The following SLC17A8 variants were observed in gnomAD, a reference collection of about 807,000 sequenced individuals.
The protein encoded by SLC17A8 is vesicular glutamate transporter 3.
Under a neutral mutation model 58.0 loss-of-function variants are expected in SLC17A8, and 31 were observed. The ratio of observed to expected loss-of-function variants is 0.53; its 90% CI spans 0.40 to 0.72. The LOEUF is 0.72. SLC17A8 is among the 30% of genes least tolerant of loss of function. The pLI is 0.00. For synonymous variants in SLC17A8, 228 were observed against 249.0 expected (o/e 0.92, Z 0.79); for missense variants, 655 against 727.8 (o/e 0.90, Z 1.15).
intron 10 of SLC17A8, 33 bp downstream of exon 10, chr12:100,412,913 T>A: frequency 6.6e-7 from 1 of 1,507,574 alleles, no homozygotes; most frequent in Non-Finnish European, 9.2e-7. Context: ...AGATCTTGAC[T>A]ATAGATTCAA....
rs371250510 is a variant in SLC17A8, at chr12:100,380,924, G to A, written c.325G>A (p.Val109Ile). The change falls in exon 2 of 12, where the codon GTA becomes ATA. Residue 109 changes from valine to isoleucine, a missense_variant. By Grantham distance (29) the Val-to-Ile change is conservative. Transcript: ENST00000323346. Reference protein sequence around the residue: ...AIVEMVNNSTVYVDGKPEIQT... With the variant: ...AIVEMVNNSTIYVDGKPEIQT... ...TGTGGAAATGGTCAACAATAGCACC[G>A]TATATGTTGATGGAAAACCGGAAAT... 4.2e-5 allele frequency: 68 copies of A among 1,614,000 alleles called. No homozygotes were observed. The highest frequency in any genetic ancestry group is 4.1e-4 in the South Asian group (37 of 91,082).
intron 5 of SLC17A8, among the ~76,000 whole-genome samples, chr12:100,400,137 C>T (rs1199902668): frequency 1.3e-5 from 2 of 152,140 alleles, no homozygotes; most frequent in Admixed American, 6.5e-5. Context: ...TTATTCTCTA[C>T]CTGCCCCTGT....
intron 1 of SLC17A8, among the ~76,000 whole-genome samples, chr12:100,373,208 C>T (rs1382759244): frequency 2.8e-4 from 43 of 152,248 alleles, no homozygotes; most frequent in Non-Finnish European, 2.4e-4. Flanking sequence ...TGAAGATTCT[C>T]TGATCTAAAA....
chr12:100,408,776 A>G (rs1208312306), intron 9 of SLC17A8, among the ~76,000 whole-genome samples: 2 of 152,214 alleles, frequency 1.3e-5, no homozygotes, highest in African/African-American at 4.8e-5. Flanking sequence ...AAAATAAAAG[A>G]AGTTTCAGCC....
At chr12:100,370,446 C>T (rs1952551259) in intron 1 of SLC17A8, among the ~76,000 whole-genome samples, 1 of 151,754 alleles carries the variant, frequency 6.6e-6, no homozygotes, top group Non-Finnish European at 1.5e-5. Flanking sequence ...TACAGGCATG[C>T]ACCACCATGT....
chr12:100,393,673 C>A (rs1362523766), intron 4 of SLC17A8, among the ~76,000 whole-genome samples, 190 bp downstream of exon 4: 1 of 152,136 alleles, frequency 6.6e-6, no homozygotes, highest in Non-Finnish European at 1.5e-5. Context: ...TGTGATTTTA[C>A]ATTTATGAAC....
At chr12:100,386,004 G>C (rs971740079) in intron 2 of SLC17A8, among the ~76,000 whole-genome samples, 1 of 152,072 alleles carries the variant, frequency 6.6e-6, no homozygotes, top group Non-Finnish European at 1.5e-5. Flanking sequence ...ATCTTTCTGC[G>C]TGTCTCCTCT....
intron 2 of SLC17A8, among the ~76,000 whole-genome samples, chr12:100,383,879 A>AT (rs974354424): frequency 3.3e-5 from 5 of 151,780 alleles, no homozygotes; most frequent in African/African-American, 4.8e-5. Flanking sequence ...ATTAAAAAAA[A>AT]TTTTTTTTAG....
At chr12:100,407,365 C>T (rs1298112161) in intron 9 of SLC17A8, among the ~76,000 whole-genome samples, 2 of 152,194 alleles carry the variant, frequency 1.3e-5, no homozygotes, top group Non-Finnish European at 2.9e-5. Flanking sequence ...CTATTTAATT[C>T]TGCCCCAGTA....
chr12:100,391,562 C>T (rs1286129270), intron 3 of SLC17A8, among the ~76,000 whole-genome samples: 1 of 152,186 alleles, frequency 6.6e-6, no homozygotes, highest in African/African-American at 2.4e-5. Context: ...GCCTTAGCCT[C>T]CCAAAGTACT....
chr12:100,420,425 T>C lies in SLC17A8; in HGVS notation c.*266T>C, dbSNP rs947667122. 1 of 416,582 alleles carries C rather than the reference T, an allele frequency of 2.4e-6. No homozygotes were observed. Among genetic ancestry groups the C allele is most frequent in the Non-Finnish European group, 4.4e-6 (1 of 228,852 alleles). The allele number at this position is 416,582 out of a possible 1,614,324, so 25.8% of individuals were successfully genotyped here. ...AGAGCTAAACTTATTCAGAAAGGAATGACTAGAAGAAAAAGGAGACAATAC... is the reference window on the plus strand; with the variant it reads ...AGAGCTAAACTTATTCAGAAAGGAACGACTAGAAGAAAAAGGAGACAATAC... On this transcript the variant is annotated 3_prime_UTR_variant, in exon 12 of 12. Transcript: ENST00000323346.
chr12:100,390,954 C>A, intron 2 of SLC17A8, 47 bp from the exon 3 acceptor site: 1 of 1,319,224 alleles, frequency 7.6e-7, no homozygotes, highest in Non-Finnish European at 1.1e-6. Flanking sequence ...AAATGGTTGT[C>A]AGCCTTTTTC....
At chr12:100,412,586 TAAAGTTAAAAAAAAA>T (rs1336086661) in intron 9 of SLC17A8, among the ~76,000 whole-genome samples, 169 bp from the exon 10 acceptor site, 1 of 93,832 alleles carries the variant, frequency 1.1e-5, no homozygotes, top group Non-Finnish European at 2.1e-5. Context: ...GAACTTCAAG[TAAAGTTAAAAAAAAA>T]AAAAAAAAAA....
At chr12:100,389,781 C>T (rs1279496923) in intron 2 of SLC17A8, among the ~76,000 whole-genome samples, 1 of 149,238 alleles carries the variant, frequency 6.7e-6, no homozygotes, top group Non-Finnish European at 1.5e-5. Flanking sequence ...TACAGGCACA[C>T]ACCACCACAC....
intron 9 of SLC17A8, among the ~76,000 whole-genome samples, chr12:100,412,296 A>G (rs1952874359): frequency 6.6e-6 from 1 of 152,182 alleles, no homozygotes. Context: ...GCACTGTACC[A>G]GAATGTAGGT....
rs1952945312 is a variant in SLC17A8, at chr12:100,421,130, A to G, written c.*971A>G. The G allele has an allele frequency of 6.6e-6, 1 of 152,226 alleles. No homozygotes were observed. Among genetic ancestry groups the G allele is most frequent in the Admixed American group, 6.5e-5 (1 of 15,276 alleles). 9.4% of individuals were successfully genotyped at this position (152,226 alleles called of 1,614,324 possible). A position where few individuals can be genotyped will look rare whatever the true frequency, so the allele number is the denominator to read the frequency against. On this transcript the variant is annotated 3_prime_UTR_variant, in exon 12 of 12. Coordinates refer to ENST00000323346, the MANE Select transcript of SLC17A8 (RefSeq NM_139319.3). The stretch of plus-strand genomic sequence containing the variant: ...TTAAATTTCAACTTTCCATAATATT[A>G]AGAATGTAGCTAAATGATGTCCCAA...
intron 1 of SLC17A8, 48 bp downstream of exon 1, chr12:100,357,540 T>C (rs1209862388): frequency 8.3e-7 from 1 of 1,208,324 alleles, no homozygotes; most frequent in East Asian, 2.3e-5. Context: ...AGCTTCGTAT[T>C]GCCAATGTGT....
At chr12:100,373,490 C>T (rs1357237131) in intron 1 of SLC17A8, among the ~76,000 whole-genome samples, 2 of 150,916 alleles carry the variant, frequency 1.3e-5, no homozygotes, top group East Asian at 1.9e-4. Context: ...CTTCCAGGCA[C>T]GATGCTGAAC....
rs1048247052 is a variant in SLC17A8 at position 100,421,452 on chromosome 12, G to A, written c.*1293G>A. The A allele has an allele frequency of 6.6e-6, 1 of 152,044 alleles. No individual in the cohort carries two copies. Among genetic ancestry groups the A allele is most frequent in the Admixed American group, 6.6e-5 (1 of 15,262 alleles). 9.4% of individuals were successfully genotyped at this position (152,044 alleles called of 1,614,324 possible). A position where few individuals can be genotyped will look rare whatever the true frequency, so the allele number is the denominator to read the frequency against. On this transcript the variant is annotated 3_prime_UTR_variant, in exon 12 of 12. Transcript: ENST00000323346. ...TGGGGCAATTAGACCTACAGTTACTGTTGAAAAATTCACCTTTGATTGCAT... is the reference window on the plus strand; with the variant it reads ...TGGGGCAATTAGACCTACAGTTACTATTGAAAAATTCACCTTTGATTGCAT...
Sources: allele counts gnomAD v4.1 joint callset (sites outside exome capture counted in the v4.1 genomes callset), GRCh38; gene constraint gnomAD v4.1.1; transcripts MANE v1.5; gene names NCBI Gene and HGNC (gene_info 2026-07-23, HGNC 2026-07-21).